The following DNAH11 variants were observed in gnomAD, a reference collection of about 807,000 sequenced individuals.
DNAH11 encodes axonemal beta dynein heavy chain 11.
DNAH11 carries 442 observed loss-of-function variants against 526.0 expected under a neutral mutation model. That is an observed-to-expected ratio of 0.84 (90% CI 0.78 to 0.91). DNAH11 has a LOEUF of 0.91. Ranked by LOEUF, DNAH11 falls within the 40% of genes least tolerant of loss-of-function variation. DNAH11 has a pLI of 0.00. For synonymous variants in DNAH11, 2,461 were observed against 1,935.9 expected, an observed-to-expected ratio of 1.27 and a Z score of -7.12; for missense variants, 6,989 against 5,448.7, an observed-to-expected ratio of 1.28 and a Z score of -8.90.
chr7:21,868,292 T>A lies in DNAH11; in HGVS notation c.11839+285T>A, dbSNP rs533653854. ...GGCAATTTTCCACATGCTCATGTAATCTTGTGCCCCCTGTGACTAAATAAT... is the reference window on the plus strand; with the variant it reads ...GGCAATTTTCCACATGCTCATGTAAACTTGTGCCCCCTGTGACTAAATAAT... On this transcript the variant is annotated intron_variant, in intron 72 of 81. Transcript: ENST00000409508. Among the ~76,000 whole-genome samples the A allele has an allele frequency of 1.5e-3, 226 of 152,122 alleles. 1 individual carries two copies. Among genetic ancestry groups the A allele is most frequent in the African/African-American group, 5.1e-3 (213 of 41,456 alleles).
chr7:21,617,627 G>A lies in DNAH11; in HGVS notation c.4104G>A (p.Trp1368Ter). Residue 1368 changes from tryptophan (W) to a stop codon, truncating the protein, a stop_gained, in exon 23 of 82, where the codon TGG becomes TGA. Transcript: ENST00000409508. LOFTEE classifies it high-confidence loss of function. Reference protein sequence around the residue: ...VELRRFAKEIWSLNKEVRVWD... With the variant: ...VELRRFAKEI ...CCTCCACTTTTCTTTAGGAAATTTG[G>A]TCACTCAACAAGGAAGTCCGCGTCT... is the stretch of plus-strand genomic sequence containing the variant. 1 of 1,613,632 alleles carries A rather than the reference G, an allele frequency of 6.2e-7. No homozygotes were observed. The highest frequency in any genetic ancestry group is 8.5e-7 in the Non-Finnish European group (1 of 1,179,754).
At chr7:21,690,255 C>G (rs1372629797) in intron 34 of DNAH11, among the ~76,000 whole-genome samples, 7 of 152,120 alleles carry the variant, frequency 4.6e-5, no homozygotes, top group Admixed American at 4.6e-4. Flanking sequence ...AGTCTGGCTC[C>G]AGAGCTATTG....
intron 31 of DNAH11, 117 bp downstream of exon 31, chr7:21,681,794 T>C: frequency 1.5e-6 from 2 of 1,292,284 alleles, no homozygotes; most frequent in South Asian, 2.4e-5. Context: ...TTTTAATTAG[T>C]CCTGAAAAGT....
intron 54 of DNAH11, 95 bp downstream of exon 54, chr7:21,750,459 A>G (rs1473133664): frequency 1.4e-6 from 2 of 1,479,306 alleles, no homozygotes; most frequent in Non-Finnish European, 1.8e-6. Flanking sequence ...TTTGAATTTC[A>G]GTCATGCATT....
Position 21,543,583 on chromosome 7 carries a change from C to A in DNAH11, c.338C>A (p.Ala113Glu), listed in dbSNP as rs772913999. The part of the protein sequence containing the change: ...VFSFAASGRL[A>E]ASQEIPRDAN... ...AGCTTCGCCGCCTCGGGGCGCCTTG[C>A]GGCTTCCCAGGAGGTAAGAGGCGAC... The change falls in exon 1 of 82, where the codon GCG becomes GAG. Residue 113 changes from alanine (A) to glutamate (E), a missense_variant. Ala to Glu is a moderately radical substitution (Grantham distance 107, BLOSUM62 -1). Transcript: ENST00000409508. 108 of 1,594,620 alleles carry A rather than the reference C, an allele frequency of 6.8e-5. No homozygotes were observed. The highest frequency in any genetic ancestry group is 6.9e-5 in the Non-Finnish European group (81 of 1,170,268).
intron 9 of DNAH11, among the ~76,000 whole-genome samples, chr7:21,583,778 C>T (rs1229604675): frequency 6.6e-6 from 1 of 152,146 alleles, no homozygotes; most frequent in African/African-American, 2.4e-5. Flanking sequence ...AAGACATGAA[C>T]AGACACTTCT....
rs977512902 is a variant in DNAH11, at chr7:21,873,326, G to C, written c.12020G>C (p.Arg4007Thr). ...GGAACCTTGGAGAAGCTCCTTGAAA[G>C]ATTCAGCCAAGGAAGCCACAGAGAT... The part of the protein sequence containing the change: ...WLGTLEKLLE[R>T]FSQGSHRDYR... Residue 4007 changes from arginine to threonine, a missense_variant, in exon 74 of 82, where the codon AGA becomes ACA. By Grantham distance (71) the Arg-to-Thr change is moderately conservative (BLOSUM62 -1). Transcript: ENST00000409508. 1.2e-6 allele frequency: 2 copies of C among 1,610,572 alleles called. No individual in the cohort carries two copies. The highest frequency in any genetic ancestry group is 1.7e-6 in the Non-Finnish European group (2 of 1,178,342).
intron 47 of DNAH11, 111 bp downstream of exon 47, chr7:21,738,977 G>T: frequency 9.3e-7 from 1 of 1,076,034 alleles, no homozygotes. Context: ...GAATTATTAT[G>T]GATGAATTCA....
chr7:21,721,991 G>A (rs533813807), intron 44 of DNAH11, among the ~76,000 whole-genome samples: 8 of 152,162 alleles, frequency 5.3e-5, no homozygotes, highest in East Asian at 1.9e-4. Context: ...TAGCCCTTTT[G>A]TGTCTTCTGA....
chr7:21,636,712 C>T (rs1438434670), intron 26 of DNAH11, among the ~76,000 whole-genome samples: 2 of 152,140 alleles, frequency 1.3e-5, no homozygotes, highest in Non-Finnish European at 2.9e-5. Flanking sequence ...GCACTCCAGC[C>T]TGGGTGACAG....
intron 45 of DNAH11, among the ~76,000 whole-genome samples, chr7:21,728,619 C>T (rs192032913): frequency 7.9e-5 from 12 of 152,104 alleles, no homozygotes. Flanking sequence ...AAATATAATC[C>T]AAATATCATC....
intron 40 of DNAH11, among the ~76,000 whole-genome samples, chr7:21,708,148 T>G (rs760925739): frequency 3.5e-4 from 53 of 152,298 alleles, no homozygotes; most frequent in South Asian, 1.0e-3. Context: ...GTACCTGATA[T>G]GAGGCACTGA....
intron 55 of DNAH11, among the ~76,000 whole-genome samples, chr7:21,765,914 A>G (rs868158892): frequency 9.2e-5 from 14 of 152,096 alleles, no homozygotes; most frequent in African/African-American, 3.4e-4. Context: ...CTTGAATCAT[A>G]ATGGGGCTTG....
rs1783391747 is a variant in DNAH11 at position 21,868,951 on chromosome 7, T to C, written c.11927T>C (p.Leu3976Pro). The change falls in exon 73 of 82, where the codon CTG becomes CCG. Residue 3976 changes from leucine to proline, a missense_variant. By Grantham distance (98) the Leu-to-Pro change is moderately conservative (BLOSUM62 -3). Coordinates refer to ENST00000409508, the MANE Select transcript of DNAH11 (RefSeq NM_001277115.2). Reference sequence around the variant, plus strand: ...CAGGAGACGGTGGCAGAAGTGGCCCTGGAGAAAGCTTCCAAAGGAGGACAC... The same window carrying C: ...CAGGAGACGGTGGCAGAAGTGGCCCCGGAGAAAGCTTCCAAAGGAGGACAC... ...QGQETVAEVA[L>P]EKASKGGHWV... 1.2e-6 allele frequency: 2 copies of C among 1,614,000 alleles called. No homozygotes were observed. The highest frequency in any genetic ancestry group is 1.3e-5 in the African/African-American group (1 of 75,052).
intron 66 of DNAH11, among the ~76,000 whole-genome samples, chr7:21,843,638 G>A (rs1419855799): frequency 2.6e-5 from 4 of 151,800 alleles, no homozygotes; most frequent in South Asian, 2.1e-4. Context: ...GCACCACCAC[G>A]CCCAGCTAAT....
chr7:21,716,708 C>G (rs975071747), intron 42 of DNAH11, among the ~76,000 whole-genome samples: 4 of 152,092 alleles, frequency 2.6e-5, no homozygotes, highest in African/African-American at 7.2e-5. Context: ...TCCATTGTTC[C>G]GCGGTTCCCA....
In DNAH11 at chr7:21,735,813, C is replaced by T. The variant is rs768948193; in HGVS notation, c.7614C>T (p.Phe2538=). The T allele has an allele frequency of 6.2e-7, 1 of 1,613,240 alleles. No homozygotes were observed. Among genetic ancestry groups the T allele is most frequent in the Non-Finnish European group, 8.5e-7 (1 of 1,179,558 alleles). The change falls in exon 46 of 82, where the codon TTC becomes TTT. Residue 2538 remains phenylalanine (F), a synonymous_variant. Coordinates refer to ENST00000409508, the MANE Select transcript of DNAH11 (RefSeq NM_001277115.2). ...SEDYIVSRVP[F]NYYTTSTALQ... ...ATTACATAGTATCCCGTGTGCCTTT[C>T]AACTACTACACGACATCCACAGCTC... is the stretch of plus-strand genomic sequence containing the variant.
chr7:21,638,981 C>T lies in DNAH11; in HGVS notation c.4860C>T (p.Thr1620=). 6.2e-7 allele frequency: 1 copy of T among 1,613,140 alleles called. No homozygotes were observed. Among genetic ancestry groups the T allele is most frequent in the Non-Finnish European group, 8.5e-7 (1 of 1,179,618 alleles). ...CEKALAEYLE[T]KRIAFPRFYF... ...AAGCTCTCGCTGAATACCTGGAAAC[C>T]AAGCGCATAGCCTTTCCTCGCTTCT... Residue 1620 remains threonine, a synonymous_variant, in exon 28 of 82, where the codon ACC becomes ACT. Transcript: ENST00000409508.
chr7:21,582,806 G>C (rs1269193049), intron 9 of DNAH11, among the ~76,000 whole-genome samples: 1 of 152,180 alleles, frequency 6.6e-6, no homozygotes, highest in African/African-American at 2.4e-5. Context: ...AGAAATCATG[G>C]ATATAATTCA....
Sources: allele counts gnomAD v4.1 joint callset (sites outside exome capture counted in the v4.1 genomes callset), GRCh38; gene constraint gnomAD v4.1.1; transcripts MANE v1.5; gene names NCBI Gene and HGNC (gene_info 2026-07-23, HGNC 2026-07-21).